Variants in GLIS3 observed in about 807,000 individuals in gnomAD.
GLIS3 encodes GLIS family zinc finger 3, also known as zinc finger protein GLIS3.
In GLIS3, 53 loss-of-function variants were observed where a neutral mutation model predicts 78.6. That is an observed-to-expected ratio of 0.67 (90% CI 0.54 to 0.85). The LOEUF is 0.85. Ranked by LOEUF, GLIS3 falls within the 40% of genes least tolerant of loss-of-function variation. The pLI, the probability that GLIS3 is intolerant of heterozygous loss-of-function variation, is 0.00. For synonymous variants in GLIS3, 684 were observed against 509.9 expected, an observed-to-expected ratio of 1.34 and a Z score of -4.60; for missense variants, 1,703 against 1,231.1, an observed-to-expected ratio of 1.38 and a Z score of -5.74.
At chr9:4,412,015 G>A in the GLIS3 span, among the ~76,000 whole-genome samples, 1 of 152,126 alleles carries the variant, frequency 6.6e-6, no homozygotes, top group African/African-American at 2.4e-5. Context: ...TCTTAACATG[G>A]ATATCAAATG....
the GLIS3 span, among the ~76,000 whole-genome samples, chr9:4,393,483 TATA>T: frequency 1.3e-5 from 2 of 152,348 alleles, no homozygotes; most frequent in African/African-American, 2.4e-5. Flanking sequence ...TCCATTGCCT[TATA>T]ATATCTTTTC....
intron 8 of GLIS3, among the ~76,000 whole-genome samples, chr9:3,877,380 C>T (rs1444814694): frequency 2.0e-5 from 3 of 152,182 alleles, no homozygotes; most frequent in African/African-American, 7.2e-5. Flanking sequence ...TGGGAGGAGG[C>T]TAATGATTTG....
the GLIS3 span, among the ~76,000 whole-genome samples, chr9:4,381,933 G>A: frequency 6.6e-6 from 1 of 152,214 alleles, no homozygotes; most frequent in South Asian, 2.1e-4. Context: ...CTGTGGCTAG[G>A]GAGACCATCC....
chr9:4,278,237 T>G (rs944562332), intron 2 of GLIS3, among the ~76,000 whole-genome samples: 5 of 152,300 alleles, frequency 3.3e-5, no homozygotes, highest in African/African-American at 1.2e-4. Context: ...ACTCTGTCCG[T>G]AGAAAAGGCT....
intron 4 of GLIS3, among the ~76,000 whole-genome samples, chr9:4,086,412 A>T (rs185457543): frequency 2.6e-5 from 4 of 152,360 alleles, no homozygotes; most frequent in African/African-American, 7.2e-5. Context: ...CTTTATGTAT[A>T]TCATACTGTG....
chr9:3,899,619 T>C (rs1349201216), intron 6 of GLIS3, among the ~76,000 whole-genome samples: 2 of 152,212 alleles, frequency 1.3e-5, no homozygotes, highest in Non-Finnish European at 2.9e-5. Flanking sequence ...GAAATGTATT[T>C]GTTACAAATA....
intron 6 of GLIS3, among the ~76,000 whole-genome samples, chr9:3,926,452 G>C (rs943043175): frequency 1.3e-5 from 2 of 151,730 alleles, no homozygotes; most frequent in African/African-American, 2.4e-5. Context: ...GGATGGTCTC[G>C]ATCTCCTGAC....
chr9:4,392,215 G>T, the GLIS3 span, among the ~76,000 whole-genome samples: 1 of 146,844 alleles, frequency 6.8e-6, no homozygotes, highest in Non-Finnish European at 1.5e-5. Flanking sequence ...ACAGGGAGGG[G>T]AACAACACAC....
intron 2 of GLIS3, among the ~76,000 whole-genome samples, chr9:4,148,617 C>T (rs1008407383): frequency 2.0e-5 from 3 of 152,030 alleles, no homozygotes; most frequent in Non-Finnish European, 4.4e-5. Flanking sequence ...ACCTGGACCC[C>T]TACCCATCAC....
At chr9:4,369,317 GCTCT>G in the GLIS3 span, among the ~76,000 whole-genome samples, 1 of 152,136 alleles carries the variant, frequency 6.6e-6, no homozygotes. Flanking sequence ...CATCCACTTT[GCTCT>G]CTGACATGGA....
chr9:4,063,081 C>A (rs1238050445), intron 4 of GLIS3, among the ~76,000 whole-genome samples: 1 of 151,040 alleles, frequency 6.6e-6, no homozygotes, highest in Non-Finnish European at 1.5e-5. Flanking sequence ...AACTGAGTTC[C>A]ATATCTGCAA....
chr9:4,418,823 G>A, the GLIS3 span, among the ~76,000 whole-genome samples: 2 of 152,210 alleles, frequency 1.3e-5, no homozygotes, highest in African/African-American at 2.4e-5. Flanking sequence ...GATTTCAAGT[G>A]GTACAGATGA....
intron 2 of GLIS3, among the ~76,000 whole-genome samples, chr9:4,321,203 A>G (rs10974455): frequency 0.25 from 34,821 of 141,006 alleles, 4,909 homozygotes; most frequent in African/African-American, 0.41. Flanking sequence ...GGCGGATCAC[A>G]AGGTCAGGAG....
At chr9:4,237,817 C>A (rs1822907528) in intron 2 of GLIS3, among the ~76,000 whole-genome samples, 1 of 152,210 alleles carries the variant, frequency 6.6e-6, no homozygotes, top group African/African-American at 2.4e-5. Context: ...TTGGGACACA[C>A]TGTAAGCACA....
chr9:3,860,693 G>A (rs1820156962), intron 8 of GLIS3, among the ~76,000 whole-genome samples: 1 of 152,078 alleles, frequency 6.6e-6, no homozygotes, highest in African/African-American at 2.4e-5. Context: ...GTTACTAGCT[G>A]GGTAAACAAG....
chr9:4,039,249 T>A (rs80109501), intron 4 of GLIS3, among the ~76,000 whole-genome samples: 1 of 152,186 alleles, frequency 6.6e-6, no homozygotes, highest in African/African-American at 2.4e-5. Flanking sequence ...TTTCTGCATA[T>A]ATTATGTAAT....
At chr9:3,964,711 T>G (rs1405122701) in intron 4 of GLIS3, among the ~76,000 whole-genome samples, 1 of 152,214 alleles carries the variant, frequency 6.6e-6, no homozygotes, top group East Asian at 1.9e-4. Flanking sequence ...TTTTCATATT[T>G]TGTCTTCAAA....
intron 2 of GLIS3, among the ~76,000 whole-genome samples, chr9:4,252,772 G>C (rs1219763656): frequency 2.6e-5 from 4 of 152,122 alleles, no homozygotes; most frequent in African/African-American, 7.2e-5. Context: ...CTTTGATGTT[G>C]GTGACCTTTG....
At chr9:4,228,725 T>C (rs1241609093) in intron 2 of GLIS3, among the ~76,000 whole-genome samples, 1 of 152,146 alleles carries the variant, frequency 6.6e-6, no homozygotes, top group Non-Finnish European at 1.5e-5. Context: ...CAATATGAAA[T>C]GAAAAATGAT....
Sources: gnomAD v4.1 joint callset for allele counts (sites outside exome capture counted in the v4.1 genomes callset) on GRCh38, gnomAD v4.1.1 for gene constraint, MANE v1.5 for transcripts, NCBI Gene and HGNC (gene_info 2026-07-23, HGNC 2026-07-21) for gene names.